Variants in DPYD observed in about 807,000 individuals in gnomAD.
DPYD encodes dihydropyrimidine dehydrogenase, also known as dihydropyrimidine dehydrogenase [NADP(+)].
Under a neutral mutation model 116.2 loss-of-function variants are expected in DPYD, and 109 were observed. The ratio of observed to expected loss-of-function variants is 0.94; its 90% CI spans 0.80 to 1.10. The LOEUF (loss-of-function observed/expected upper bound fraction) is 1.10. Ranked by LOEUF, DPYD falls within the 50% of genes least tolerant of loss-of-function variation. DPYD has a pLI of 0.00. For missense variants in DPYD, 1,302 were observed against 1,254.5 expected (o/e 1.04, Z -0.57); for synonymous variants, 440 against 432.0 (o/e 1.02, Z -0.23).
chr1:97,835,934 T>C (rs913367090), intron 2 of DPYD, among the ~76,000 whole-genome samples: 3 of 152,156 alleles, frequency 2.0e-5, no homozygotes, highest in African/African-American at 4.8e-5. Context: ...CTTTAAGCTC[T>C]GAACAATCTG....
At chr1:97,624,225 C>T (rs1656794174) in intron 8 of DPYD, among the ~76,000 whole-genome samples, 1 of 151,912 alleles carries the variant, frequency 6.6e-6, no homozygotes. Flanking sequence ...GAAAGCTGTA[C>T]CTCAGATAAG....
intron 19 of DPYD, among the ~76,000 whole-genome samples, chr1:97,220,057 T>C (rs1660681733): frequency 1.3e-5 from 2 of 152,132 alleles, no homozygotes; most frequent in African/African-American, 4.8e-5. Flanking sequence ...TCAATTATTT[T>C]ATCATTGCTA....
intron 2 of DPYD, among the ~76,000 whole-genome samples, chr1:97,830,427 C>A (rs1669480380): frequency 6.6e-6 from 1 of 152,006 alleles, no homozygotes; most frequent in African/African-American, 2.4e-5. Flanking sequence ...AAATAAGAGA[C>A]AGAAGCCTGG....
intron 5 of DPYD, among the ~76,000 whole-genome samples, chr1:97,718,099 T>C (rs746628258): frequency 2.7e-4 from 41 of 152,142 alleles, no homozygotes; most frequent in Non-Finnish European, 2.9e-4. Flanking sequence ...TGTGAAAGTA[T>C]TCCCTTTTCA....
chr1:97,685,952 A>G (rs1660703224), intron 7 of DPYD, among the ~76,000 whole-genome samples: 1 of 152,228 alleles, frequency 6.6e-6, no homozygotes, highest in South Asian at 2.1e-4. Context: ...ACTACCATTG[A>G]CATTCCTCAC....
chr1:97,792,328 C>T (rs1369779655), intron 3 of DPYD, among the ~76,000 whole-genome samples: 2 of 151,388 alleles, frequency 1.3e-5, no homozygotes, highest in African/African-American at 2.4e-5. Context: ...GGCTGGAGTG[C>T]AGTGGTGCAA....
intron 3 of DPYD, among the ~76,000 whole-genome samples, chr1:97,744,017 T>C (rs760088736): frequency 2.6e-5 from 4 of 152,110 alleles, no homozygotes; most frequent in Non-Finnish European, 5.9e-5. Context: ...ATACACTTTT[T>C]AAATTTTCAT....
intron 5 of DPYD, among the ~76,000 whole-genome samples, chr1:97,718,444 C>A (rs572951807): frequency 6.6e-6 from 1 of 151,828 alleles, no homozygotes; most frequent in African/African-American, 2.4e-5. Context: ...TCACAGATAT[C>A]AGAAAAATCT....
At chr1:97,431,142 A>C (rs751162437) in intron 14 of DPYD, among the ~76,000 whole-genome samples, 1 of 152,186 alleles carries the variant, frequency 6.6e-6, no homozygotes, top group Non-Finnish European at 1.5e-5. Context: ...AAAACAAAGA[A>C]AAAAGATTCT....
At chr1:97,794,364 A>G (rs895998363) in intron 3 of DPYD, among the ~76,000 whole-genome samples, 1 of 151,932 alleles carries the variant, frequency 6.6e-6, no homozygotes, top group African/African-American at 2.4e-5. Flanking sequence ...TAATAACAGA[A>G]ACAAGCCGAC....
intron 9 of DPYD, among the ~76,000 whole-genome samples, chr1:97,593,920 T>TC (rs1222244351): frequency 4.6e-5 from 7 of 152,206 alleles, no homozygotes; most frequent in African/African-American, 1.7e-4. Context: ...AGAACTATTT[T>TC]CTTGAAATAG....
chr1:97,558,599 T>C (rs138501594), intron 11 of DPYD, among the ~76,000 whole-genome samples: 96 of 152,294 alleles, frequency 6.3e-4, no homozygotes, highest in Middle Eastern at 3.4e-3. Context: ...GCTAGTAGAA[T>C]TCAGTCAGGG....
intron 3 of DPYD, among the ~76,000 whole-genome samples, chr1:97,759,485 C>T (rs1665456292): frequency 6.6e-6 from 1 of 152,092 alleles, no homozygotes; most frequent in Non-Finnish European, 1.5e-5. Flanking sequence ...CTTTTTCCTG[C>T]TAGCCATCAA....
chr1:97,294,773 C>T (rs1168262049), intron 18 of DPYD, among the ~76,000 whole-genome samples: 1 of 152,132 alleles, frequency 6.6e-6, no homozygotes, highest in Admixed American at 6.5e-5. Flanking sequence ...AAGAAAAATG[C>T]CTGAATGATG....
At chr1:97,427,957 C>T (rs1022552273) in intron 14 of DPYD, among the ~76,000 whole-genome samples, 23 of 152,182 alleles carry the variant, frequency 1.5e-4, no homozygotes, top group Admixed American at 9.2e-4. Context: ...CCACTGGTTT[C>T]TCTTATGTGC....
chr1:97,859,999 G>A (rs770377688), intron 2 of DPYD, among the ~76,000 whole-genome samples: 6 of 151,502 alleles, frequency 4.0e-5, no homozygotes, highest in Admixed American at 2.6e-4. Context: ...ATTTTTCTCT[G>A]ATAGATCAAA....
chr1:97,607,512 A>G (rs1571049790), intron 8 of DPYD, among the ~76,000 whole-genome samples: 1 of 152,040 alleles, frequency 6.6e-6, no homozygotes, highest in East Asian at 1.9e-4. Flanking sequence ...GAAAATTGTT[A>G]GCAAAAAAAA....
At chr1:97,122,793 C>T (rs1349346932) in intron 20 of DPYD, among the ~76,000 whole-genome samples, 2 of 152,104 alleles carry the variant, frequency 1.3e-5, no homozygotes, top group Admixed American at 1.3e-4. Context: ...AAACTCTTCT[C>T]TTTACTCCTT....
chr1:97,248,287 G>A (rs1465471160), intron 18 of DPYD, among the ~76,000 whole-genome samples: 3 of 152,114 alleles, frequency 2.0e-5, no homozygotes, highest in East Asian at 3.9e-4. Flanking sequence ...TGGATTATGG[G>A]GGCGGGTCTT....
Sources: allele counts gnomAD v4.1 joint callset (sites outside exome capture counted in the v4.1 genomes callset), GRCh38; gene constraint gnomAD v4.1.1; transcripts MANE v1.5; gene names NCBI Gene and HGNC (gene_info 2026-07-23, HGNC 2026-07-21).